Variants in ADRA1B observed in about 807,000 individuals in gnomAD.
ADRA1B encodes adrenoceptor alpha 1B, also known as alpha-1B adrenergic receptor.
In ADRA1B, 17 loss-of-function variants were observed where a neutral mutation model predicts 17.9. The observed-to-expected ratio is 0.95, with a 90% CI of 0.65 to 1.42. The LOEUF (loss-of-function observed/expected upper bound fraction) is 1.42. Ranked by LOEUF, ADRA1B falls within the 40% of genes most tolerant of loss-of-function variation. ADRA1B has a pLI of 0.00. For missense variants in ADRA1B, 681 were observed against 722.1 expected, an observed-to-expected ratio of 0.94 and a Z score of 0.65; for synonymous variants, 366 against 327.6, an observed-to-expected ratio of 1.12 and a Z score of -1.27.
the ADRA1B span, among the ~76,000 whole-genome samples, chr5:159,985,024 C>T: frequency 6.6e-6 from 1 of 152,144 alleles, no homozygotes; most frequent in Non-Finnish European, 1.5e-5. Flanking sequence ...TGATTGCTCT[C>T]CCACCTCCTC....
chr5:159,956,312 A>G (rs1186464232), intron 1 of ADRA1B, among the ~76,000 whole-genome samples: 1 of 152,214 alleles, frequency 6.6e-6, no homozygotes, highest in Non-Finnish European at 1.5e-5. Flanking sequence ...TCACATAAAC[A>G]CATTCCAGAG....
intron 1 of ADRA1B, chr5:159,870,199 A>G (rs1305222525): frequency 6.6e-6 from 1 of 152,212 alleles, no homozygotes; most frequent in Admixed American, 6.5e-5. Flanking sequence ...TGAGGAACTG[A>G]CACTTAGGCT....
At chr5:159,889,757 C>A (rs1753962304) in intron 1 of ADRA1B, among the ~76,000 whole-genome samples, 1 of 151,874 alleles carries the variant, frequency 6.6e-6, no homozygotes, top group Non-Finnish European at 1.5e-5. Context: ...TCTAGACTTC[C>A]CAGTGATTTT....
intron 1 of ADRA1B, among the ~76,000 whole-genome samples, chr5:159,948,689 G>A (rs1281650574): frequency 2.0e-5 from 3 of 152,066 alleles, no homozygotes; most frequent in Non-Finnish European, 2.9e-5. Context: ...TTATGAACAC[G>A]TTTCTAATCA....
intron 1 of ADRA1B, among the ~76,000 whole-genome samples, chr5:159,920,223 C>T (rs1024524904): frequency 2.0e-5 from 3 of 152,136 alleles, no homozygotes; most frequent in African/African-American, 7.2e-5. Flanking sequence ...CAGTTTCCTT[C>T]AGGCCCAGCA....
intron 1 of ADRA1B, among the ~76,000 whole-genome samples, chr5:159,937,126 C>G (rs551140134): frequency 4.6e-5 from 7 of 152,180 alleles, no homozygotes; most frequent in Admixed American, 1.3e-4. Context: ...GAACCACCAG[C>G]CTAATAAGAA....
Position 159,900,680 on chromosome 5 carries a change from T to C in ADRA1B, c.-255-15439T>C, listed in dbSNP as rs1217172453. On this transcript the variant is annotated intron_variant, in intron 1 of 2. Coordinates refer to the ADRA1B transcript ENST00000641205. ...AGCAAAGGGGAGCAATGTCCTCACT[T>C]CTCTTGTCTCTCTCCCTTCTGCCAT... is the stretch of plus-strand genomic sequence containing the variant. 2.0e-5 allele frequency among the ~76,000 whole-genome samples: 3 copies of C among 152,148 alleles called. No individual in the cohort carries two copies. The East Asian group carries it at 5.8e-4, about 29-fold the overall frequency.
intron 1 of ADRA1B, among the ~76,000 whole-genome samples, chr5:159,890,884 G>T (rs1040039335): frequency 1.3e-5 from 2 of 152,204 alleles, no homozygotes; most frequent in Non-Finnish European, 2.9e-5. Flanking sequence ...CCTGTGAGAT[G>T]GGAAATACAT....
intron 1 of ADRA1B, among the ~76,000 whole-genome samples, chr5:159,902,769 C>T (rs893643256): frequency 6.6e-6 from 1 of 152,232 alleles, no homozygotes; most frequent in African/African-American, 2.4e-5. Context: ...AATGGATCCT[C>T]ACTTTCCCCA....
chr5:159,944,105 A>T (rs914284315), intron 1 of ADRA1B, among the ~76,000 whole-genome samples: 26 of 152,146 alleles, frequency 1.7e-4, no homozygotes, highest in Non-Finnish European at 3.8e-4. Flanking sequence ...ACGAACTCAG[A>T]TTCTTAAAGT....
chr5:159,905,995 C>T (rs1021446370), intron 1 of ADRA1B, among the ~76,000 whole-genome samples: 1 of 152,128 alleles, frequency 6.6e-6, no homozygotes, highest in Admixed American at 6.5e-5. Flanking sequence ...GCTGGGATTA[C>T]AGGCACACAG....
upstream of ADRA1B, among the ~76,000 whole-genome samples, chr5:159,914,583 G>A (rs1025431960): frequency 1.3e-5 from 2 of 152,132 alleles, no homozygotes; most frequent in East Asian, 1.9e-4. Flanking sequence ...TTCTTAACCC[G>A]AGGGAAACCC....
chr5:159,882,335 A>T (rs979677719), intron 1 of ADRA1B, among the ~76,000 whole-genome samples: 2 of 152,132 alleles, frequency 1.3e-5, no homozygotes, highest in African/African-American at 4.8e-5. Context: ...TCCTGAGTAG[A>T]CAGGATTCCA....
chr5:159,985,300 A>AT, the ADRA1B span, among the ~76,000 whole-genome samples: 1 of 152,152 alleles, frequency 6.6e-6, no homozygotes, highest in African/African-American at 2.4e-5. Flanking sequence ...TAATGAACTG[A>AT]TCTATTATTT....
chr5:159,898,546 T>A (rs1302259008), intron 1 of ADRA1B, among the ~76,000 whole-genome samples: 2 of 152,252 alleles, frequency 1.3e-5, no homozygotes. Flanking sequence ...AACAAACACA[T>A]GTTTATAGAT....
downstream of ADRA1B, among the ~76,000 whole-genome samples, chr5:159,975,368 C>T (rs1288348168): frequency 1.3e-5 from 2 of 152,190 alleles, no homozygotes; most frequent in Admixed American, 6.5e-5. Flanking sequence ...AGTCTTGGCT[C>T]TGCATGACCT....
chr5:159,909,657 C>G (rs1398660655), intron 1 of ADRA1B, among the ~76,000 whole-genome samples: 1 of 152,210 alleles, frequency 6.6e-6, no homozygotes, highest in Non-Finnish European at 1.5e-5. Context: ...AGACTGTAAA[C>G]TACGGGAGGA....
At chr5:159,879,023 C>A (rs976022915) in intron 1 of ADRA1B, among the ~76,000 whole-genome samples, 1 of 152,112 alleles carries the variant, frequency 6.6e-6, no homozygotes, top group Non-Finnish European at 1.5e-5. Flanking sequence ...CTGGGTGAGG[C>A]AGGTCGGGTC....
downstream of ADRA1B, among the ~76,000 whole-genome samples, chr5:159,977,572 C>T (rs903733079): frequency 6.6e-6 from 1 of 152,182 alleles, no homozygotes; most frequent in Non-Finnish European, 1.5e-5. Context: ...GTTTTCCCAG[C>T]ATATACCTGG....
Sources: gnomAD v4.1 joint callset for allele counts (sites outside exome capture counted in the v4.1 genomes callset) on GRCh38, gnomAD v4.1.1 for gene constraint, MANE v1.5 for transcripts, NCBI Gene and HGNC (gene_info 2026-07-23, HGNC 2026-07-21) for gene names.